The following ARID3B variants were observed in gnomAD, a reference collection of about 807,000 sequenced individuals.
ARID3B encodes AT-rich interactive domain-containing protein 3B.
Under a neutral mutation model 51.9 loss-of-function variants are expected in ARID3B, and 10 were observed. That is an observed-to-expected ratio of 0.19 (90% CI 0.12 to 0.33). The LOEUF is 0.33. Among genes scored for constraint, ARID3B ranks in the 10% least tolerant of loss-of-function variants. ARID3B has a pLI of 1.00. For synonymous variants in ARID3B, 205 were observed against 279.5 expected, an observed-to-expected ratio of 0.73 and a Z score of 2.66; for missense variants, 483 against 716.3, an observed-to-expected ratio of 0.67 and a Z score of 3.72.
chr15:74,545,525 A>C (rs2061612509), intron 2 of ARID3B, among the ~76,000 whole-genome samples: 1 of 152,112 alleles, frequency 6.6e-6, no homozygotes, highest in Non-Finnish European at 1.5e-5. Flanking sequence ...TGTGACCCAT[A>C]ATATAGTTTT....
chr15:74,568,010 A>G (rs2061705905), intron 2 of ARID3B, among the ~76,000 whole-genome samples: 1 of 152,168 alleles, frequency 6.6e-6, no homozygotes, highest in South Asian at 2.1e-4. Context: ...TCAGAGGTGT[A>G]GCCCTCTTCT....
intron 4 of ARID3B, among the ~76,000 whole-genome samples, chr15:74,585,691 C>A (rs147149427): frequency 6.6e-6 from 1 of 152,344 alleles, no homozygotes; most frequent in African/African-American, 2.4e-5. Flanking sequence ...AGGCCTGAGT[C>A]TGTCGATTGC....
At chr15:74,561,811 C>T (rs1596254873) in intron 2 of ARID3B, among the ~76,000 whole-genome samples, 1 of 152,202 alleles carries the variant, frequency 6.6e-6, no homozygotes, top group Non-Finnish European at 1.5e-5. Context: ...TATGGTGGTA[C>T]AAAAGCCATG....
chr15:74,552,956 G>A (rs1043463169), intron 2 of ARID3B, among the ~76,000 whole-genome samples: 1 of 152,188 alleles, frequency 6.6e-6, no homozygotes, highest in African/African-American at 2.4e-5. Flanking sequence ...ACCAAGAAGC[G>A]TGATTGCTGG....
rs1457756464 is a variant in ARID3B, at chr15:74,597,304, CACT to C, written c.*1531_*1533del. 4.9e-6 allele frequency: 2 copies of C among 411,470 alleles called. No homozygotes were observed. Among genetic ancestry groups the C allele is most frequent in the Non-Finnish European group, 9.1e-6 (2 of 218,738 alleles). The allele number at this position is 411,470 out of a possible 1,614,324, so 25.5% of individuals were successfully genotyped here. A position where few individuals can be genotyped will look rare whatever the true frequency, so the allele number is the denominator to read the frequency against. On this transcript the variant is annotated 3_prime_UTR_variant, in exon 9 of 9. Transcript: ENST00000346246. ...CCTGGAATGTTCAGCAGAACACCAC[CACT>C]GTGACATGGGGCTGTGGCAGTGGGA...
rs528652621 is a variant in ARID3B, at chr15:74,541,947, G to A, written c.-78+617G>A. Among the ~76,000 whole-genome samples the A allele has an allele frequency of 5.9e-5, 9 of 152,320 alleles. No homozygotes were observed. The East Asian group carries it at 1.5e-3, about 26-fold the overall frequency. On this transcript the variant is annotated intron_variant, in intron 1 of 8. Coordinates refer to ENST00000346246, the MANE Select transcript of ARID3B (RefSeq NM_006465.4). ...GGTGGCATTGTTTGGATCGCTGGCTGCTTAGGGACTGCGGGAAAATGGGCT... is the reference window on the plus strand; with the variant it reads ...GGTGGCATTGTTTGGATCGCTGGCTACTTAGGGACTGCGGGAAAATGGGCT...
At chr15:74,559,903 T>TTA (rs1470078428) in intron 2 of ARID3B, among the ~76,000 whole-genome samples, 4 of 151,554 alleles carry the variant, frequency 2.6e-5, no homozygotes, top group Non-Finnish European at 5.9e-5. Flanking sequence ...GTTTTAAATT[T>TTA]TATATACAGG....
rs774596405 is a variant in ARID3B at position 74,573,316 on chromosome 15, G to T, written c.697+112G>T. The T allele has an allele frequency of 2.6e-5, 31 of 1,212,268 alleles. No individual in the cohort carries two copies. In the South Asian group the frequency reaches 3.5e-4, roughly 14 times the overall value. 75.1% of individuals were successfully genotyped at this position (1,212,268 alleles called of 1,614,324 possible). A position where few individuals can be genotyped will look rare whatever the true frequency, so the allele number is the denominator to read the frequency against. ...CACTAATCCTCATCCAGGAGGAGAA[G>T]AGGCATTTACTGCCAGTTGGTTCTG... is the stretch of plus-strand genomic sequence containing the variant. On this transcript the variant is annotated intron_variant, in intron 4 of 8. Transcript: ENST00000346246.
chr15:74,547,180 C>T (rs2061619138), intron 2 of ARID3B, among the ~76,000 whole-genome samples: 1 of 149,732 alleles, frequency 6.7e-6, no homozygotes, highest in Non-Finnish European at 1.5e-5. Context: ...CCCCCGCCGA[C>T]ACAGAGCGCA....
At chr15:74,557,817 C>CTTTTTT (rs11307414) in intron 2 of ARID3B, among the ~76,000 whole-genome samples, 10 of 109,772 alleles carry the variant, frequency 9.1e-5, no homozygotes, top group East Asian at 3.0e-4. Context: ...TTTCGACTTA[C>CTTTTTT]TTTTTTTTTT....
At chr15:74,566,130 C>T (rs768831110) in intron 2 of ARID3B, among the ~76,000 whole-genome samples, 4 of 152,162 alleles carry the variant, frequency 2.6e-5, no homozygotes, top group African/African-American at 9.7e-5. Flanking sequence ...CCGTCTCCCC[C>T]AGTCCCACAT....
At chr15:74,571,810 GT>G (rs1458569590) in intron 2 of ARID3B, among the ~76,000 whole-genome samples, 1 of 152,104 alleles carries the variant, frequency 6.6e-6, no homozygotes, top group Non-Finnish European at 1.5e-5. Context: ...AGGAATAAGA[GT>G]TACTGGACTT....
intron 2 of ARID3B, among the ~76,000 whole-genome samples, chr15:74,570,699 C>G (rs1358606849): frequency 6.6e-6 from 1 of 152,100 alleles, no homozygotes; most frequent in African/African-American, 2.4e-5. Context: ...GAATTACTGG[C>G]TCAAACAAAA....
chr15:74,556,682 C>T (rs187390549), intron 2 of ARID3B, among the ~76,000 whole-genome samples: 7 of 152,062 alleles, frequency 4.6e-5, no homozygotes, highest in Admixed American at 1.3e-4. Context: ...TTTAGACTTA[C>T]GAAGTTTATC....
chr15:74,578,992 C>G (rs2141470765), intron 4 of ARID3B, among the ~76,000 whole-genome samples: 1 of 152,296 alleles, frequency 6.6e-6, no homozygotes, highest in African/African-American at 2.4e-5. Flanking sequence ...CCCGGAGACA[C>G]CCAGGTGGGC....
chr15:74,542,663 G>T (rs1205788060), intron 1 of ARID3B, among the ~76,000 whole-genome samples: 1 of 152,216 alleles, frequency 6.6e-6, no homozygotes, highest in Non-Finnish European at 1.5e-5. Context: ...CTGGAACAAT[G>T]CAGATATCAA....
At chr15:74,564,033 T>C (rs987266463) in intron 2 of ARID3B, among the ~76,000 whole-genome samples, 2 of 152,242 alleles carry the variant, frequency 1.3e-5, no homozygotes, top group African/African-American at 4.8e-5. Context: ...TGATCTCCGC[T>C]GCTAGCAAGA....
At chr15:74,576,657 C>T (rs1421769859) in intron 4 of ARID3B, among the ~76,000 whole-genome samples, 1 of 150,758 alleles carries the variant, frequency 6.6e-6, no homozygotes, top group Non-Finnish European at 1.5e-5. Context: ...GAGACCCTGT[C>T]TCAAAAAAAA....
At chr15:74,586,450 C>A (rs2141476441) in intron 4 of ARID3B, among the ~76,000 whole-genome samples, 1 of 152,354 alleles carries the variant, frequency 6.6e-6, no homozygotes, top group East Asian at 1.9e-4. Flanking sequence ...GAAATTTCTA[C>A]ATCTATAACA....
Sources: allele counts gnomAD v4.1 joint callset (sites outside exome capture counted in the v4.1 genomes callset), GRCh38; gene constraint gnomAD v4.1.1; transcripts MANE v1.5; gene names NCBI Gene and HGNC (gene_info 2026-07-23, HGNC 2026-07-21).